The following ZBTB5 variants were observed in gnomAD, a reference collection of about 807,000 sequenced individuals.
ZBTB5 encodes the protein zinc finger and BTB domain-containing protein 5.
In ZBTB5, 15 loss-of-function variants were observed where a neutral mutation model predicts 37.9. The observed-to-expected ratio is 0.40, with a 90% confidence interval of 0.26 to 0.61. ZBTB5 has a LOEUF of 0.61. ZBTB5 is among the 20% of genes least tolerant of loss of function. The probability of loss-of-function intolerance (pLI) is 0.47; values close to 1 mark genes in which losing one functional copy is unlikely to be tolerated. For missense variants in ZBTB5, 708 were observed against 856.8 expected (o/e 0.83, Z 2.17); for synonymous variants, 315 against 312.4 (o/e 1.01, Z -0.09).
chr9:37,446,081 T>G (rs899624021), intron 1 of ZBTB5, among the ~76,000 whole-genome samples: 18 of 152,144 alleles, frequency 1.2e-4, no homozygotes, highest in African/African-American at 4.3e-4. Context: ...CACTGCAACC[T>G]GGGCGACAGA....
In ZBTB5 at chr9:37,440,462, C is replaced by G; in HGVS notation, c.*56G>C. On this transcript the variant is annotated 3_prime_UTR_variant, in exon 2 of 2. Transcript: ENST00000307750. ...CGAACCCAAAGGCATTAACTGCTTACCAAAAGAAATTCAGTCTGACAACTG... is the reference window on the plus strand; with the variant it reads ...CGAACCCAAAGGCATTAACTGCTTAGCAAAAGAAATTCAGTCTGACAACTG... 6.5e-7 allele frequency: 1 copy of G among 1,545,312 alleles called. No homozygotes were observed. Among genetic ancestry groups the G allele is most frequent in the South Asian group, 1.2e-5 (1 of 85,950 alleles).
intron 1 of ZBTB5, among the ~76,000 whole-genome samples, chr9:37,447,494 C>T (rs1476475233): frequency 6.6e-6 from 1 of 152,028 alleles, no homozygotes; most frequent in Non-Finnish European, 1.5e-5. Context: ...GACAGGGTTT[C>T]ACCCTGTTGC....
At chr9:37,454,273 C>G (rs1824150370) in intron 1 of ZBTB5, among the ~76,000 whole-genome samples, 1 of 152,204 alleles carries the variant, frequency 6.6e-6, no homozygotes, top group Non-Finnish European at 1.5e-5. Context: ...TCAAGTAATT[C>G]TAGCAAAGTC....
chr9:37,459,876 A>C (rs886557045), intron 1 of ZBTB5, among the ~76,000 whole-genome samples: 2 of 151,614 alleles, frequency 1.3e-5, no homozygotes, highest in African/African-American at 4.8e-5. Context: ...ACACCTGGCT[A>C]ATTTTTTGTA....
At position 37,440,969 on chromosome 9, in the gene ZBTB5, C is replaced by A; in HGVS notation, c.1583G>T (p.Gly528Val). ...SRVMIGSPRGGASNFPYYRRI... is the reference protein window; with the variant it reads ...SRVMIGSPRGVASNFPYYRRI... ...GCGGTAGTAAGGAAAGTTACTGGCT[C>A]CTCCCCTTGGGGAACCTATCATTAC... The change falls in exon 2 of 2, where the codon GGA (glycine) becomes GTA (valine). Residue 528 changes from glycine to valine, a missense_variant. Transcript: ENST00000307750. 1.9e-6 allele frequency: 3 copies of A among 1,614,202 alleles called. No individual in the cohort carries two copies. The highest frequency in any genetic ancestry group is 2.7e-5 in the African/African-American group (2 of 75,034).
Position 37,463,530 on chromosome 9 carries a change from C to T in ZBTB5, c.-5+1685G>A, listed in dbSNP as rs1174630034. ...CTGTCAGCACTACACCAGGTTTTGT[C>T]AATTTCACTGAACACAAGATATTTT... On this transcript the variant is annotated intron_variant, in intron 1 of 1. Coordinates refer to ENST00000307750, the MANE Select transcript of ZBTB5 (RefSeq NM_014872.3). Among the ~76,000 whole-genome samples, 7 of 152,308 alleles carry T rather than the reference C, an allele frequency of 4.6e-5. No individual in the cohort carries two copies. In the East Asian group the frequency reaches 1.3e-3, roughly 29 times the overall value.
rs1263576294 is a variant in ZBTB5 at position 37,438,836 on chromosome 9, C to G, written c.*1682G>C. ...TCCTCCAATGGGCTCTTTCCCACATCTACTCGAAAGGAATCGTGGGTTTCC... is the reference window on the plus strand; with the variant it reads ...TCCTCCAATGGGCTCTTTCCCACATGTACTCGAAAGGAATCGTGGGTTTCC... On this transcript the variant is annotated 3_prime_UTR_variant, in exon 2 of 2. Transcript: ENST00000307750. 6.6e-6 allele frequency: 1 copy of G among 152,244 alleles called. No individual in the cohort carries two copies. The highest frequency in any genetic ancestry group is 1.5e-5 in the Non-Finnish European group (1 of 68,060). The allele number at this position is 152,244 out of a possible 1,614,324, so 9.4% of individuals were successfully genotyped here. A position where few individuals can be genotyped will look rare whatever the true frequency, so the allele number is the denominator to read the frequency against.
chr9:37,441,388 C>T lies in ZBTB5; in HGVS notation c.1164G>A (p.Arg388=). 1 of 1,613,970 alleles carries T rather than the reference C, an allele frequency of 6.2e-7. No individual in the cohort carries two copies. Among genetic ancestry groups the T allele is most frequent in the Non-Finnish European group, 8.5e-7 (1 of 1,180,008 alleles). ...CTTCCAAAATATGGATATCACCTAC[C>T]CTGTCTGTGCTAGACTGGGGATCTG... ...SFSDPQSSTD[R]VGDIHILEVT... The change falls in exon 2 of 2, where the codon AGG becomes AGA. Residue 388 remains arginine (R), a synonymous_variant. Transcript: ENST00000307750.
intron 1 of ZBTB5, among the ~76,000 whole-genome samples, chr9:37,443,529 C>G (rs547459100): frequency 2.6e-5 from 4 of 152,252 alleles, no homozygotes; most frequent in African/African-American, 9.6e-5. Context: ...ATATAAATCT[C>G]ATTCCCAAAG....
intron 1 of ZBTB5, among the ~76,000 whole-genome samples, chr9:37,448,085 C>T (rs1824028384): frequency 6.6e-6 from 1 of 152,110 alleles, no homozygotes; most frequent in African/African-American, 2.4e-5. Flanking sequence ...TGAAAAGAGG[C>T]TACTGAGGTA....
Position 37,441,213 on chromosome 9 carries a change from A to C in ZBTB5, c.1339T>G (p.Leu447Val). Residue 447 changes from leucine (L) to valine (V), a missense_variant, in exon 2 of 2, where the codon TTG (leucine) becomes GTG (valine). Leu to Val is a conservative substitution (Grantham distance 32). This residue lies in a region of ZBTB5 where 639 missense variants were observed against 690.5 expected (regional missense o/e 0.93). Transcript: ENST00000307750. ...DCRLESEAPY[L>V]LSPEAGPAGG... ...GCAGGCCCAGCCTCTGGACTCAACA[A>C]ATAGGGGGCCTCACTCTCCAGCCTG... 1 of 1,614,094 alleles carries C rather than the reference A, an allele frequency of 6.2e-7. No individual in the cohort carries two copies. Among genetic ancestry groups the C allele is most frequent in the Non-Finnish European group, 8.5e-7 (1 of 1,179,998 alleles).
At position 37,439,630 on chromosome 9, in the gene ZBTB5, G is replaced by A. The variant is rs1184405660; in HGVS notation, c.*888C>T. 1.3e-5 allele frequency: 2 copies of A among 152,120 alleles called. No homozygotes were observed. The highest frequency in any genetic ancestry group is 4.8e-5 in the African/African-American group (2 of 41,404). The allele number at this position is 152,120 out of a possible 1,614,324, so 9.4% of individuals were successfully genotyped here. A position where few individuals can be genotyped will look rare whatever the true frequency, so the allele number is the denominator to read the frequency against. ...CAGCCTAGACTGGCCCTCAACATCT[G>A]GACGGAGCAACAGGTAAATGTGCCA... On this transcript the variant is annotated 3_prime_UTR_variant, in exon 2 of 2. Transcript: ENST00000307750.
intron 1 of ZBTB5, among the ~76,000 whole-genome samples, chr9:37,457,569 C>A (rs747589935): frequency 6.6e-6 from 1 of 152,212 alleles, no homozygotes; most frequent in Non-Finnish European, 1.5e-5. Context: ...CAAGGTTAAG[C>A]GCTGTGGAGC....
chr9:37,455,391 A>G, intron 1 of ZBTB5, among the ~76,000 whole-genome samples: 1 of 152,068 alleles, frequency 6.6e-6, no homozygotes, highest in East Asian at 1.9e-4. Flanking sequence ...TCCCGAATAC[A>G]CCATCCTTCA....
At position 37,442,429 on chromosome 9, in the gene ZBTB5, C is replaced by T. The variant is rs980813833; in HGVS notation, c.123G>A (p.Val41=). The T allele has an allele frequency of 6.2e-7, 1 of 1,613,982 alleles. No individual in the cohort carries two copies. The highest frequency in any genetic ancestry group is 1.3e-5 in the African/African-American group (1 of 74,890). ...GNRHFKAHRS[V]LAACSTHFRA... ...GGAAATGCGTGCTGCATGCTGCCAG[C>T]ACGGAGCGGTGGGCTTTAAAGTGTC... Residue 41 remains valine (V), a synonymous_variant, in exon 2 of 2, where the codon GTG becomes GTA. Transcript: ENST00000307750.
At chr9:37,460,458 G>C (rs997208378) in intron 1 of ZBTB5, among the ~76,000 whole-genome samples, 5 of 152,210 alleles carry the variant, frequency 3.3e-5, no homozygotes, top group Non-Finnish European at 7.3e-5. Context: ...AATTAGGCCA[G>C]ATGCGGGGCT....
chr9:37,458,212 G>C (rs1449170338), intron 1 of ZBTB5, among the ~76,000 whole-genome samples: 1 of 152,186 alleles, frequency 6.6e-6, no homozygotes, highest in Non-Finnish European at 1.5e-5. Flanking sequence ...CATCTGTGCT[G>C]AACACAGCTA....
rs757598933 is a variant in ZBTB5, at chr9:37,440,495, C to G, written c.*23G>C. 1 of 1,603,590 alleles carries G rather than the reference C, an allele frequency of 6.2e-7. No homozygotes were observed. The highest frequency in any genetic ancestry group is 1.3e-5 in the African/African-American group (1 of 74,674). On this transcript the variant is annotated 3_prime_UTR_variant, in exon 2 of 2. Transcript: ENST00000307750. ...AATTCAGTCTGACAACTGGCCTCAG[C>G]GTTGTCTTGTAAGGACAAACAGCTA...
intron 1 of ZBTB5, among the ~76,000 whole-genome samples, chr9:37,447,461 T>C (rs542781410): frequency 6.6e-6 from 1 of 152,216 alleles, no homozygotes; most frequent in South Asian, 2.1e-4. Context: ...AAATATATAT[T>C]TTTTACTGTG....
Sources: allele counts gnomAD v4.1 joint callset (sites outside exome capture counted in the v4.1 genomes callset), GRCh38; gene constraint gnomAD v4.1.1; regional missense constraint gnomAD v4.1.1; transcripts MANE v1.5; gene names NCBI Gene and HGNC (gene_info 2026-07-23, HGNC 2026-07-21).